Variants in ISM1 observed in about 807,000 individuals in gnomAD.
The protein encoded by ISM1 is isthmin 1.
Under a neutral mutation model 46.3 loss-of-function variants are expected in ISM1, and 25 were observed. That is an observed-to-expected ratio of 0.54 (90% CI 0.39 to 0.75). The LOEUF is 0.75. Ranked by LOEUF, ISM1 falls within the 30% of genes least tolerant of loss-of-function variation. The pLI is 0.00. For synonymous variants in ISM1, 255 were observed against 256.7 expected (o/e 0.99, Z 0.06); for missense variants, 536 against 625.4 (o/e 0.86, Z 1.52).
the ISM1 span, among the ~76,000 whole-genome samples, chr20:13,315,309 TTAAA>T: frequency 6.6e-6 from 1 of 152,018 alleles, no homozygotes; most frequent in Admixed American, 6.6e-5. Context: ...GGAATCCACT[TTAAA>T]TATAAGGCCA....
chr20:13,300,335 T>C lies in ISM1; in HGVS notation c.*876T>C, dbSNP rs2040447286. 6.6e-6 allele frequency: 1 copy of C among 152,106 alleles called. No homozygotes were observed. Among genetic ancestry groups the C allele is most frequent in the Admixed American group, 6.6e-5 (1 of 15,262 alleles). The allele number at this position is 152,106 out of a possible 1,614,324, so 9.4% of individuals were successfully genotyped here. A position where few individuals can be genotyped will look rare whatever the true frequency, so the allele number is the denominator to read the frequency against. ...AACAAAACAAATGGGAAAAAGATAA[T>C]GGACCGCATTTCACCTATTTTAATA... On this transcript the variant is annotated 3_prime_UTR_variant, in exon 6 of 6. Transcript: ENST00000262487.
chr20:13,229,886 G>C (rs568388540), intron 1 of ISM1, among the ~76,000 whole-genome samples: 1 of 152,212 alleles, frequency 6.6e-6, no homozygotes, highest in East Asian at 1.9e-4. Context: ...GTTGTGGATT[G>C]ACTCATATTT....
At position 13,279,731 on chromosome 20, in the gene ISM1, G is replaced by A. The variant is rs201494082; in HGVS notation, c.476G>A (p.Arg159Gln). The A allele has an allele frequency of 2.0e-4, 316 of 1,613,990 alleles. No homozygotes were observed. Among genetic ancestry groups the A allele is most frequent in the Non-Finnish European group, 2.4e-4 (283 of 1,179,890 alleles). Residue 159 changes from arginine (R) to glutamine (Q), a missense_variant, in exon 3 of 6, where the codon CGG becomes CAG. Arg to Gln is a conservative substitution (Grantham distance 43). Around this residue, in one of 2 missense-constraint regions of ISM1, gnomAD observed 367 missense variants for 376.1 expected, o/e 0.98. Transcript: ENST00000262487. ...PSWSVPSPDW[R>Q]AWWQRSLSLA... ...TGGTCAGTCCCATCCCCCGACTGGC[G>A]GGCCTGGTGGCAGAGGTCCCTGTCC...
chr20:13,288,986 C>T (rs950748479), intron 4 of ISM1, among the ~76,000 whole-genome samples: 4 of 152,074 alleles, frequency 2.6e-5, no homozygotes, highest in African/African-American at 9.7e-5. Context: ...AGGGGTTTCA[C>T]CATGTTGGCC....
the ISM1 span, among the ~76,000 whole-genome samples, chr20:13,318,245 C>A: frequency 6.6e-6 from 1 of 152,066 alleles, no homozygotes; most frequent in South Asian, 2.1e-4. Flanking sequence ...TATTTCACAT[C>A]ATATGTCATC....
intron 2 of ISM1, among the ~76,000 whole-genome samples, chr20:13,271,326 G>A (rs879322213): frequency 1.3e-5 from 2 of 152,204 alleles, no homozygotes; most frequent in Non-Finnish European, 2.9e-5. Flanking sequence ...TCCTAGGAGA[G>A]AGATGACTAT....
chr20:13,318,775 A>G, the ISM1 span, among the ~76,000 whole-genome samples: 1 of 152,240 alleles, frequency 6.6e-6, no homozygotes, highest in Non-Finnish European at 1.5e-5. Context: ...AGCCAATCTA[A>G]AGAGGCTACC....
downstream of ISM1, among the ~76,000 whole-genome samples, chr20:13,303,484 C>T (rs1160311609): frequency 1.3e-5 from 2 of 152,198 alleles, no homozygotes; most frequent in Admixed American, 1.3e-4. Context: ...CACACATAAG[C>T]CCTGTGCTAA....
At chr20:13,325,995 T>G in the ISM1 span, among the ~76,000 whole-genome samples, 2 of 152,250 alleles carry the variant, frequency 1.3e-5, no homozygotes, top group South Asian at 4.1e-4. Context: ...CCCTCCCAAC[T>G]CCGGGTAACC....
At chr20:13,263,374 C>T (rs533395658) in intron 1 of ISM1, among the ~76,000 whole-genome samples, 7 of 152,006 alleles carry the variant, frequency 4.6e-5, no homozygotes, top group Admixed American at 1.3e-4. Context: ...ATCGTGGTCT[C>T]CATCCATCTT....
chr20:13,249,645 T>G lies in ISM1; in HGVS notation c.139-20859T>G, dbSNP rs377530960. 1.4e-3 allele frequency among the ~76,000 whole-genome samples: 215 copies of G among 152,368 alleles called. 2 individuals carry two copies. Among genetic ancestry groups the G allele is most frequent in the Middle Eastern group, 6.8e-3 (2 of 294 alleles). The stretch of plus-strand genomic sequence containing the variant: ...GTTGGTTTTAATCTCTGTAGTGGAA[T>G]GCTGCTGAATTGGCCAACTGGCAGG... On this transcript the variant is annotated intron_variant, in intron 1 of 5. Transcript: ENST00000262487.
intron 1 of ISM1, among the ~76,000 whole-genome samples, chr20:13,236,147 T>G (rs1179079298): frequency 6.6e-6 from 1 of 152,082 alleles, no homozygotes; most frequent in Non-Finnish European, 1.5e-5. Context: ...ATGGTCTCGA[T>G]CTCTTAACCT....
At chr20:13,251,540 T>C (rs1382079935) in intron 1 of ISM1, among the ~76,000 whole-genome samples, 1 of 152,152 alleles carries the variant, frequency 6.6e-6, no homozygotes, top group Non-Finnish European at 1.5e-5. Flanking sequence ...CCTGAGATCA[T>C]GATCTGGCAT....
chr20:13,232,995 G>C lies in ISM1; in HGVS notation c.138+11081G>C, dbSNP rs367822573. On this transcript the variant is annotated intron_variant, in intron 1 of 5. Transcript: ENST00000262487. ...TGATTGTAGTGACCATCATGGTGGG[G>C]GTTGTGAAAAGAAAATTCGATGCTG... 2.8e-4 allele frequency among the ~76,000 whole-genome samples: 43 copies of C among 151,890 alleles called. No individual in the cohort carries two copies. In the South Asian group the frequency reaches 9.0e-3, roughly 32 times the overall value.
At chr20:13,298,154 GGA>G (rs1291690869) in intron 5 of ISM1, among the ~76,000 whole-genome samples, 7 of 152,066 alleles carry the variant, frequency 4.6e-5, no homozygotes, top group Non-Finnish European at 8.8e-5. Context: ...TGCTCAGGCT[GGA>G]GTGCAGTGGT....
chr20:13,310,226 A>C, the ISM1 span, among the ~76,000 whole-genome samples: 56 of 152,334 alleles, frequency 3.7e-4, no homozygotes, highest in Non-Finnish European at 7.9e-4. Context: ...CATGATACTA[A>C]CATATAAATC....
chr20:13,243,943 G>C (rs2039762165), intron 1 of ISM1: 1 of 152,200 alleles, frequency 6.6e-6, no homozygotes, highest in African/African-American at 2.4e-5. Flanking sequence ...TAATATGTTT[G>C]CTTAGTGGAA....
chr20:13,269,706 A>G (rs990403320), intron 1 of ISM1, among the ~76,000 whole-genome samples: 1 of 152,114 alleles, frequency 6.6e-6, no homozygotes, highest in Non-Finnish European at 1.5e-5. Flanking sequence ...CTGACCACCT[A>G]TCTAAGGTTT....
intron 5 of ISM1, among the ~76,000 whole-genome samples, chr20:13,295,999 A>T (rs2040403412): frequency 6.6e-6 from 1 of 152,216 alleles, no homozygotes. Flanking sequence ...TCCTTGAAGC[A>T]ACCCTGACTT....
Sources: allele counts gnomAD v4.1 joint callset (sites outside exome capture counted in the v4.1 genomes callset), GRCh38; gene constraint gnomAD v4.1.1; regional missense constraint gnomAD v4.1.1; transcripts MANE v1.5; gene names NCBI Gene and HGNC (gene_info 2026-07-23, HGNC 2026-07-21).